Variants in LHFPL3 observed in about 807,000 individuals in gnomAD.
LHFPL3 encodes LHFPL tetraspan subfamily member 3 protein.
A neutral mutation model predicts 19.3 loss-of-function variants in LHFPL3; 5 were observed. The ratio of observed to expected loss-of-function variants is 0.26; its 90% CI spans 0.14 to 0.54. The LOEUF is 0.54. Among genes scored for constraint, LHFPL3 ranks in the 20% least tolerant of loss-of-function variants. The probability of loss-of-function intolerance (pLI) is 0.94; values close to 1 mark genes in which losing one functional copy is unlikely to be tolerated. For synonymous variants in LHFPL3, 133 were observed against 126.2 expected (o/e 1.05, Z -0.36); for missense variants, 249 against 307.4 (o/e 0.81, Z 1.42).
At chr7:104,592,213 T>A (rs541253657) in intron 1 of LHFPL3, among the ~76,000 whole-genome samples, 57 of 152,294 alleles carry the variant, frequency 3.7e-4, no homozygotes, top group African/African-American at 1.3e-3. Context: ...ATTTCTAGAA[T>A]TTTCAGCTTT....
At chr7:104,650,568 A>G (rs1416491071) in intron 1 of LHFPL3, among the ~76,000 whole-genome samples, 1 of 152,226 alleles carries the variant, frequency 6.6e-6, no homozygotes, top group Non-Finnish European at 1.5e-5. Context: ...CATTCAGATT[A>G]CTGCATTCCT....
intron 2 of LHFPL3, among the ~76,000 whole-genome samples, chr7:104,739,207 C>T (rs980506120): frequency 6.6e-6 from 1 of 152,156 alleles, no homozygotes; most frequent in Admixed American, 6.6e-5. Flanking sequence ...TTTAGTCAAA[C>T]CTGCATGTTC....
In LHFPL3 at chr7:104,399,242, G is replaced by C. The variant is rs1237059931; in HGVS notation, c.445+70018G>C. Among the ~76,000 whole-genome samples the C allele has an allele frequency of 6.6e-6, 1 of 152,032 alleles. No individual in the cohort carries two copies. Among genetic ancestry groups the C allele is most frequent in the Non-Finnish European group, 1.5e-5 (1 of 68,012 alleles). On this transcript the variant is annotated intron_variant, in intron 1 of 2. Coordinates refer to ENST00000424859, the MANE Select transcript of LHFPL3 (RefSeq NM_199000.3). The surrounding 1 kb of genome is among the most constrained non-coding windows in gnomAD (Gnocchi z 4.4). ...TAGGTTTCCAGCTGGACAAGGCCCT[G>C]GTGCAGATTTAGGGTGCTAGAATAA...
chr7:104,693,820 A>G (rs1434498464), intron 1 of LHFPL3, among the ~76,000 whole-genome samples: 1 of 143,356 alleles, frequency 7.0e-6, no homozygotes, highest in East Asian at 2.1e-4. Context: ...TTTAGTAGAG[A>G]TGGGGTTTCA....
At chr7:104,614,695 C>CTT (rs1399441481) in intron 1 of LHFPL3, among the ~76,000 whole-genome samples, 1 of 127,796 alleles carries the variant, frequency 7.8e-6, no homozygotes, top group African/African-American at 3.1e-5. Flanking sequence ...TTCTTTCTTT[C>CTT]TTTCTTTCTT....
intron 2 of LHFPL3, among the ~76,000 whole-genome samples, chr7:104,775,450 A>G (rs544254079): frequency 6.6e-6 from 1 of 152,330 alleles, no homozygotes; most frequent in Admixed American, 6.5e-5. Flanking sequence ...TAATCAAACT[A>G]TATTTCCAAA....
intron 2 of LHFPL3, among the ~76,000 whole-genome samples, chr7:104,845,074 C>T (rs778300595): frequency 1.6e-4 from 25 of 152,170 alleles, no homozygotes; most frequent in Non-Finnish European, 3.2e-4. Context: ...TCATTCCATC[C>T]GCACCAAAAC....
chr7:104,828,827 G>C (rs1229717890), intron 2 of LHFPL3, among the ~76,000 whole-genome samples: 12 of 151,858 alleles, frequency 7.9e-5, no homozygotes, highest in Admixed American at 5.9e-4. Flanking sequence ...TTGAGGTCAG[G>C]AGTTCGAGAC....
chr7:104,787,792 G>A (rs75187081), intron 2 of LHFPL3, among the ~76,000 whole-genome samples: 2,138 of 152,192 alleles, frequency 0.014, 47 homozygotes, highest in African/African-American at 0.047. Flanking sequence ...TCCTGCCTTA[G>A]CCTCCCAGAG....
chr7:104,865,274 T>C (rs1584584806), intron 2 of LHFPL3, among the ~76,000 whole-genome samples: 2 of 151,662 alleles, frequency 1.3e-5, no homozygotes, highest in Non-Finnish European at 2.9e-5. Flanking sequence ...ATCAAACTAC[T>C]CCGAGCTAAA....
intron 1 of LHFPL3, among the ~76,000 whole-genome samples, chr7:104,480,074 T>C (rs938392071): frequency 3.3e-5 from 5 of 152,220 alleles, no homozygotes; most frequent in African/African-American, 9.6e-5. Flanking sequence ...AATCATTTCA[T>C]CATGGATACA....
At chr7:104,540,820 A>C (rs960383239) in intron 1 of LHFPL3, among the ~76,000 whole-genome samples, 1 of 152,134 alleles carries the variant, frequency 6.6e-6, no homozygotes, top group African/African-American at 2.4e-5. Flanking sequence ...GTTCAATTTA[A>C]TCACTCACCA....
At chr7:104,383,304 C>T (rs1219577992) in intron 1 of LHFPL3, among the ~76,000 whole-genome samples, 1 of 152,184 alleles carries the variant, frequency 6.6e-6, no homozygotes, top group Non-Finnish European at 1.5e-5. Flanking sequence ...TAGGTAGGGT[C>T]TTGGGCCACA....
At position 104,908,026 on chromosome 7, in the gene LHFPL3, A is replaced by AT. The variant is rs1342051484; in HGVS notation, c.*1812dup. Among the ~76,000 whole-genome samples, 1 of 152,224 alleles carries AT rather than the reference A, an allele frequency of 6.6e-6. No homozygotes were observed. The highest frequency in any genetic ancestry group is 1.5e-5 in the Non-Finnish European group (1 of 68,024). On this transcript the variant is annotated 3_prime_UTR_variant, in exon 3 of 3. Coordinates refer to ENST00000424859, the MANE Select transcript of LHFPL3 (RefSeq NM_199000.3). ...TAAGTATTAGCTCCCTACTACATCC[A>AT]TAACACCCTACTTACTAAATTTAAT... is the stretch of plus-strand genomic sequence containing the variant.
At chr7:104,482,699 T>G (rs1346059675) in intron 1 of LHFPL3, among the ~76,000 whole-genome samples, 1 of 152,220 alleles carries the variant, frequency 6.6e-6, no homozygotes, top group Non-Finnish European at 1.5e-5. Flanking sequence ...AAAGCAGCAA[T>G]TGCTTGCATC....
At chr7:104,702,243 C>G (rs1317010935) in intron 1 of LHFPL3, among the ~76,000 whole-genome samples, 1 of 152,172 alleles carries the variant, frequency 6.6e-6, no homozygotes, top group Non-Finnish European at 1.5e-5. Context: ...CTGTTCTTGA[C>G]TCTTCGGAGG....
intron 1 of LHFPL3, chr7:104,667,766 A>G: frequency 6.3e-7 from 1 of 1,595,756 alleles, no homozygotes; most frequent in Non-Finnish European, 8.6e-7. Context: ...CCTCAGCAAA[A>G]AAGAAGAATA....
chr7:104,717,928 AT>A (rs1793420260), intron 1 of LHFPL3, among the ~76,000 whole-genome samples: 1 of 152,192 alleles, frequency 6.6e-6, no homozygotes, highest in South Asian at 2.1e-4. Context: ...GGACAGATAG[AT>A]GGATTACAAA....
intron 1 of LHFPL3, among the ~76,000 whole-genome samples, chr7:104,422,881 T>C (rs1426876268): frequency 6.6e-6 from 1 of 152,228 alleles, no homozygotes; most frequent in Non-Finnish European, 1.5e-5. Flanking sequence ...CACCTGTCCT[T>C]GAGAAACTCA....
Sources: gnomAD v4.1 joint callset for allele counts (sites outside exome capture counted in the v4.1 genomes callset) on GRCh38, gnomAD v4.1.1 for gene constraint, Gnocchi (gnomAD v3.1) non-coding constraint, MANE v1.5 for transcripts, NCBI Gene and HGNC (gene_info 2026-07-23, HGNC 2026-07-21) for gene names.